The following PABPC4L variants were observed in gnomAD, a reference collection of about 807,000 sequenced individuals.
The protein encoded by PABPC4L is poly(A) binding protein cytoplasmic 4 like.
For missense variants in PABPC4L, 452 were observed against 451.4 expected, an observed-to-expected ratio of 1.00 and a Z score of -0.01; for synonymous variants, 169 against 164.1, an observed-to-expected ratio of 1.03 and a Z score of -0.23.
At chr4:134,055,908 A>G in the PABPC4L span, among the ~76,000 whole-genome samples, 1 of 151,908 alleles carries the variant, frequency 6.6e-6, no homozygotes, top group Non-Finnish European at 1.5e-5. Flanking sequence ...CTAGATTATG[A>G]AGACTTTTGT....
At chr4:134,041,802 G>A in the PABPC4L span, among the ~76,000 whole-genome samples, 1 of 152,108 alleles carries the variant, frequency 6.6e-6, no homozygotes, top group Non-Finnish European at 1.5e-5. Flanking sequence ...GTGGTGAAAA[G>A]AGAATGCTTA....
the PABPC4L span, among the ~76,000 whole-genome samples, chr4:134,055,150 A>C: frequency 6.6e-6 from 1 of 152,066 alleles, no homozygotes; most frequent in East Asian, 1.9e-4. Context: ...TTCCCCATAA[A>C]AATCATATAT....
chr4:133,988,670 T>C, the PABPC4L span, among the ~76,000 whole-genome samples: 1 of 152,234 alleles, frequency 6.6e-6, no homozygotes, highest in South Asian at 2.1e-4. Context: ...AGGAACACAG[T>C]GCAAGTTGTC....
At chr4:134,160,185 A>G in the PABPC4L span, among the ~76,000 whole-genome samples, 4 of 152,134 alleles carry the variant, frequency 2.6e-5, no homozygotes, top group Non-Finnish European at 5.9e-5. Context: ...AATGGGCTAC[A>G]GATGTGACCC....
At chr4:134,052,357 A>T in the PABPC4L span, among the ~76,000 whole-genome samples, 1 of 152,076 alleles carries the variant, frequency 6.6e-6, no homozygotes, top group Non-Finnish European at 1.5e-5. Context: ...CTACACAGTG[A>T]AGTTGTATTT....
At chr4:134,133,808 C>T in the PABPC4L span, among the ~76,000 whole-genome samples, 2 of 151,872 alleles carry the variant, frequency 1.3e-5, no homozygotes, top group African/African-American at 4.8e-5. Context: ...ACATATTCCC[C>T]AAAACCTATT....
chr4:133,979,874 C>A, the PABPC4L span, among the ~76,000 whole-genome samples: 1 of 150,908 alleles, frequency 6.6e-6, no homozygotes, highest in Admixed American at 6.6e-5. Flanking sequence ...CCAAAAAAAT[C>A]AGATGTTTCA....
At chr4:134,110,161 A>G in the PABPC4L span, among the ~76,000 whole-genome samples, 3 of 152,076 alleles carry the variant, frequency 2.0e-5, no homozygotes, top group African/African-American at 7.2e-5. Flanking sequence ...AGAGGGAAAA[A>G]TCAATGGTGG....
chr4:134,199,883 G>A lies in PABPC4L; in HGVS notation c.*24C>T. 1 of 1,548,304 alleles carries A rather than the reference G, an allele frequency of 6.5e-7. No homozygotes were observed. Among genetic ancestry groups the A allele is most frequent in the Non-Finnish European group, 8.7e-7 (1 of 1,146,078 alleles). ...ATTCTCCCACCTGCTGCAGATACTA[G>A]CTGGAAAGGTACGTTTTTCTTTCCT... On this transcript the variant is annotated 3_prime_UTR_variant, in exon 2 of 2. Transcript: ENST00000421491.
chr4:134,191,554 T>C (rs186968912), downstream of PABPC4L, among the ~76,000 whole-genome samples: 11 of 152,146 alleles, frequency 7.2e-5, no homozygotes, highest in East Asian at 1.7e-3. Context: ...TTGGGAAATA[T>C]ACAAATATAT....
At chr4:134,143,336 C>T in the PABPC4L span, among the ~76,000 whole-genome samples, 1 of 149,310 alleles carries the variant, frequency 6.7e-6, no homozygotes, top group Non-Finnish European at 1.5e-5. Context: ...TATGTTTATA[C>T]CACAAATACA....
chr4:134,116,305 T>C, the PABPC4L span, among the ~76,000 whole-genome samples: 1 of 151,840 alleles, frequency 6.6e-6, no homozygotes, highest in Non-Finnish European at 1.5e-5. Context: ...CCCATCAGCT[T>C]ACAATGGCAG....
chr4:134,121,133 A>G, the PABPC4L span, among the ~76,000 whole-genome samples: 61 of 151,428 alleles, frequency 4.0e-4, no homozygotes, highest in East Asian at 1.9e-4. Flanking sequence ...CTATAATTCA[A>G]TGATTTTTAG....
At chr4:134,123,758 T>C in the PABPC4L span, among the ~76,000 whole-genome samples, 31 of 151,860 alleles carry the variant, frequency 2.0e-4, no homozygotes, top group African/African-American at 6.8e-4. Context: ...AAAAAATGCC[T>C]AAGAGAAAGG....
the PABPC4L span, among the ~76,000 whole-genome samples, chr4:134,082,005 T>C: frequency 6.6e-6 from 1 of 152,152 alleles, no homozygotes; most frequent in Non-Finnish European, 1.5e-5. Context: ...GTGATGGATG[T>C]TGATCAGCTC....
the PABPC4L span, among the ~76,000 whole-genome samples, chr4:134,016,628 G>T: frequency 6.6e-6 from 1 of 152,124 alleles, no homozygotes; most frequent in Non-Finnish European, 1.5e-5. Context: ...TCCCACACAA[G>T]GCAAATGGTT....
the PABPC4L span, among the ~76,000 whole-genome samples, chr4:134,064,694 C>T: frequency 6.6e-6 from 1 of 152,012 alleles, no homozygotes; most frequent in Admixed American, 6.6e-5. Flanking sequence ...ATTATTTTGT[C>T]ACCCAGGTAA....
the PABPC4L span, among the ~76,000 whole-genome samples, chr4:134,115,007 T>C: frequency 6.6e-6 from 1 of 151,828 alleles, no homozygotes; most frequent in Non-Finnish European, 1.5e-5. Flanking sequence ...TTCCATTATA[T>C]TGGGAATGCA....
chr4:134,108,953 C>T, the PABPC4L span, among the ~76,000 whole-genome samples: 93 of 151,988 alleles, frequency 6.1e-4, no homozygotes, highest in Non-Finnish European at 1.1e-3. Flanking sequence ...AACTTTACCC[C>T]ATGGACATTT....
Sources: allele counts gnomAD v4.1 joint callset (sites outside exome capture counted in the v4.1 genomes callset), GRCh38; gene constraint gnomAD v4.1.1; transcripts MANE v1.5; gene names NCBI Gene and HGNC (gene_info 2026-07-23, HGNC 2026-07-21).